The following PCDH15 variants were observed in gnomAD, a reference collection of about 807,000 sequenced individuals.
The protein encoded by PCDH15 is protocadherin related 15, also known as protocadherin-15.
In PCDH15, 129 loss-of-function variants were observed where a neutral mutation model predicts 178.5. The ratio of observed to expected loss-of-function variants is 0.72; its 90% CI spans 0.63 to 0.84. The LOEUF is 0.84. PCDH15 is among the 40% of genes least tolerant of loss of function. The pLI is 0.00. For missense variants in PCDH15, 2,230 were observed against 2,099.9 expected, an observed-to-expected ratio of 1.06 and a Z score of -1.21; for synonymous variants, 800 against 732.0, an observed-to-expected ratio of 1.09 and a Z score of -1.50.
In PCDH15 at chr10:55,560,880, A is replaced by G. The variant is rs552932264; in HGVS notation, c.-156+66745T>C. 1.0e-3 allele frequency among the ~76,000 whole-genome samples: 157 copies of G among 152,028 alleles called. 2 individuals carry two copies. Among genetic ancestry groups the G allele is most frequent in the African/African-American group, 3.5e-3 (147 of 41,562 alleles). On this transcript the variant is annotated intron_variant, in intron 2 of 5. Coordinates refer to the PCDH15 transcript ENST00000613346. The stretch of plus-strand genomic sequence containing the variant: ...ATAAGGGAAATATAACATATAAATA[A>G]GGGAAACAGGAAAATAAAGAGTAAC...
chr10:55,059,111 A>G (rs528551121), intron 2 of PCDH15, among the ~76,000 whole-genome samples: 1 of 152,318 alleles, frequency 6.6e-6, no homozygotes, highest in East Asian at 1.9e-4. Context: ...ACAGGAATAA[A>G]GTCAATACCG....
chr10:53,962,951 G>A (rs147312009), intron 21 of PCDH15, among the ~76,000 whole-genome samples: 2 of 152,184 alleles, frequency 1.3e-5, no homozygotes, highest in African/African-American at 4.8e-5. Context: ...CTTGAGCAGA[G>A]AACTAGTATG....
chr10:54,319,970 C>T (rs371308307), intron 7 of PCDH15, among the ~76,000 whole-genome samples: 9 of 151,812 alleles, frequency 5.9e-5, no homozygotes, highest in African/African-American at 2.2e-4. Context: ...TCTGTGGTTC[C>T]AGGATTCTTT....
intron 2 of PCDH15, among the ~76,000 whole-genome samples, chr10:54,602,660 GT>G (rs1590411053): frequency 2.0e-5 from 3 of 152,030 alleles, no homozygotes; most frequent in East Asian, 3.9e-4. Context: ...TGTATTGAGA[GT>G]TTTTTAAATT....
chr10:53,826,690 A>G (rs1033261642), intron 32 of PCDH15, among the ~76,000 whole-genome samples: 9 of 152,142 alleles, frequency 5.9e-5, no homozygotes, highest in Non-Finnish European at 1.3e-4. Context: ...GAGGTCTTTT[A>G]ACAGTTACCA....
intron 2 of PCDH15, among the ~76,000 whole-genome samples, chr10:55,162,201 T>A (rs532658982): frequency 6.6e-6 from 1 of 152,288 alleles, no homozygotes; most frequent in East Asian, 1.9e-4. Context: ...TAAGTTCCGT[T>A]AGATGTAGAA....
intron 1 of PCDH15, among the ~76,000 whole-genome samples, chr10:55,196,125 T>C (rs1353054580): frequency 6.6e-6 from 1 of 152,112 alleles, no homozygotes; most frequent in Non-Finnish European, 1.5e-5. Context: ...ATGGCTACTT[T>C]TACTTTCTTA....
At chr10:54,248,654 G>T (rs935504373) in intron 8 of PCDH15, among the ~76,000 whole-genome samples, 2 of 152,034 alleles carry the variant, frequency 1.3e-5, no homozygotes, top group African/African-American at 4.8e-5. Flanking sequence ...GGTACCACAA[G>T]TTAATTTAGA....
At chr10:55,391,318 C>T (rs1199349089) in intron 2 of PCDH15, among the ~76,000 whole-genome samples, 1 of 151,766 alleles carries the variant, frequency 6.6e-6, no homozygotes, top group Non-Finnish European at 1.5e-5. Context: ...CTCTCTCTGG[C>T]TTCATAGAAT....
chr10:55,147,650 C>T (rs1838562378), intron 2 of PCDH15, among the ~76,000 whole-genome samples: 2 of 12,328 alleles, frequency 1.6e-4, no homozygotes, highest in South Asian at 3.8e-3. Flanking sequence ...CTTTCCTCTT[C>T]CTTTTTTTTT....
At chr10:54,206,455 T>A (rs930274474) in intron 10 of PCDH15, among the ~76,000 whole-genome samples, 18 of 152,044 alleles carry the variant, frequency 1.2e-4, no homozygotes, top group Admixed American at 1.3e-4. Context: ...TTCCAACTTA[T>A]GTTTTATTTT....
intron 2 of PCDH15, chr10:55,366,246 T>C (rs891293623): frequency 6.6e-6 from 1 of 152,090 alleles, no homozygotes; most frequent in African/African-American, 2.4e-5. Flanking sequence ...GTTTAGTTGG[T>C]TGCTTTGGTT....
Position 54,780,088 on chromosome 10 carries a change from G to A in PCDH15, c.-29+20837C>T, listed in dbSNP as rs760395390. On this transcript the variant is annotated intron_variant, in intron 1 of 37. Coordinates refer to ENST00000644397, the MANE Select transcript of PCDH15 (RefSeq NM_001384140.1). ...TCTATATAGAATTACAAAATGTTCCGCAGAGAAGTTCTCAAATAATTCTTG... is the reference window on the plus strand; with the variant it reads ...TCTATATAGAATTACAAAATGTTCCACAGAGAAGTTCTCAAATAATTCTTG... Among the ~76,000 whole-genome samples the A allele has an allele frequency of 4.6e-5, 7 of 152,180 alleles. 1 individual carries two copies. Among genetic ancestry groups the A allele is most frequent in the Middle Eastern group, 6.8e-3 (2 of 294 alleles).
chr10:55,559,316 G>C (rs1212274960), intron 2 of PCDH15, among the ~76,000 whole-genome samples: 1 of 151,908 alleles, frequency 6.6e-6, no homozygotes, highest in Non-Finnish European at 1.5e-5. Context: ...ATTTTGAAAA[G>C]AAGTGTTGTA....
chr10:55,511,935 T>C (rs941371970), intron 2 of PCDH15, among the ~76,000 whole-genome samples: 4 of 152,106 alleles, frequency 2.6e-5, no homozygotes, highest in Admixed American at 2.6e-4. Context: ...TCAGTGGCTA[T>C]TCTTAAGGAG....
At chr10:54,218,305 A>T (rs2052343410) in intron 9 of PCDH15, among the ~76,000 whole-genome samples, 2 of 152,196 alleles carry the variant, frequency 1.3e-5, no homozygotes, top group South Asian at 2.1e-4. Context: ...AGATAAAGCC[A>T]CATACATACC....
chr10:55,085,351 A>G (rs918576704), intron 2 of PCDH15, among the ~76,000 whole-genome samples: 2 of 151,882 alleles, frequency 1.3e-5, no homozygotes, highest in Non-Finnish European at 3.0e-5. Context: ...ATGATGGAAT[A>G]AGAGTTTGTG....
intron 1 of PCDH15, among the ~76,000 whole-genome samples, chr10:55,307,507 CAA>C (rs768595082): frequency 7.6e-6 from 1 of 130,936 alleles, no homozygotes; most frequent in Non-Finnish European, 1.7e-5. Flanking sequence ...GACTCCATCT[CAA>C]AAAAAAAAAA....
chr10:55,221,029 A>G (rs996486427), intron 1 of PCDH15, among the ~76,000 whole-genome samples: 10 of 152,146 alleles, frequency 6.6e-5, no homozygotes, highest in Non-Finnish European at 1.3e-4. Context: ...GCTCATCATC[A>G]GGATATACAT....
Sources: allele counts gnomAD v4.1 joint callset (sites outside exome capture counted in the v4.1 genomes callset), GRCh38; gene constraint gnomAD v4.1.1; transcripts MANE v1.5; gene names NCBI Gene and HGNC (gene_info 2026-07-23, HGNC 2026-07-21).